Variants in IRS2 observed in about 807,000 individuals in gnomAD.
IRS2 encodes insulin receptor substrate 2.
IRS2 carries 28 observed loss-of-function variants against 70.9 expected under a neutral mutation model. That is an observed-to-expected ratio of 0.39 (90% CI 0.29 to 0.54). The LOEUF is 0.54. Ranked by LOEUF, IRS2 falls within the 20% of genes least tolerant of loss-of-function variation. The probability of loss-of-function intolerance (pLI) is 0.59; values close to 1 mark genes in which losing one functional copy is unlikely to be tolerated. For synonymous variants in IRS2, 1,217 were observed against 981.9 expected (o/e 1.24, Z -4.48); for missense variants, 2,081 against 2,024.1 (o/e 1.03, Z -0.54).
chr13:109,773,643 C>T lies in IRS2; in HGVS notation c.4012+8399G>A, dbSNP rs1375546432. Among the ~76,000 whole-genome samples the T allele has an allele frequency of 7.9e-5, 12 of 152,198 alleles. No individual in the cohort carries two copies. In the East Asian group the frequency reaches 2.3e-3, roughly 29 times the overall value. ...CTTAAATATTTGCCAAATCTTCTCC[C>T]CACTCAGTAGACACCGTCCACATAG... On this transcript the variant is annotated intron_variant, in intron 1 of 1. Transcript: ENST00000375856.
In IRS2 at chr13:109,784,473, C is replaced by T. The variant is rs2138935886; in HGVS notation, c.1581G>A (p.Thr527=). 6.3e-7 allele frequency: 1 copy of T among 1,579,158 alleles called. No homozygotes were observed. Among genetic ancestry groups the T allele is most frequent in the South Asian group, 1.1e-5 (1 of 89,058 alleles). The stretch of plus-strand genomic sequence containing the variant: ...CGCCGCCGCCGTCTCGGGCCGGGGG[C>T]GTCTCCGCGATGGACTCGGGCGTGT... ...RSNTPESIAE[T]PPARDGGGGG... Residue 527 remains threonine (T), a synonymous_variant, in exon 1 of 2, where the codon ACG becomes ACA. Coordinates refer to ENST00000375856, the MANE Select transcript of IRS2 (RefSeq NM_003749.3). This position sits in a 1 kb window ranked among gnomAD's most constrained non-coding sequence, Gnocchi z 5.2.
Position 109,783,137 on chromosome 13 carries a change from A to G in IRS2, c.2917T>C (p.Ser973Pro), listed in dbSNP as rs2138931781. Reference protein sequence around the residue: ...PGTSSDSRQRSPLSDYMNLDF... With the variant: ...PGTSSDSRQRPPLSDYMNLDF... ...AGGTTCATGTAGTCGGAGAGCGGAGACCGCTGCCGGCTGTCGCTGCTGGTG... is the reference window on the plus strand; with the variant it reads ...AGGTTCATGTAGTCGGAGAGCGGAGGCCGCTGCCGGCTGTCGCTGCTGGTG... Residue 973 changes from serine (S) to proline (P), a missense_variant, in exon 1 of 2, where the codon TCT (serine) becomes CCT (proline). Coordinates refer to ENST00000375856, the MANE Select transcript of IRS2 (RefSeq NM_003749.3). The G allele has an allele frequency of 7.2e-7, 1 of 1,382,044 alleles. No homozygotes were observed. The allele number at this position is 1,382,044 out of a possible 1,614,324, so 85.6% of individuals were successfully genotyped here. A position where few individuals can be genotyped will look rare whatever the true frequency, so the allele number is the denominator to read the frequency against.
chr13:109,763,406 A>G lies in IRS2; in HGVS notation c.4013-7098T>C, dbSNP rs1312375529. ...ATGAAGCCAGCACACTTTTGGAATG[A>G]ATTTCTCTTAGCTACCGCTATTCTA... On this transcript the variant is annotated intron_variant, in intron 1 of 1. Coordinates refer to ENST00000375856, the MANE Select transcript of IRS2 (RefSeq NM_003749.3). Among the ~76,000 whole-genome samples the G allele has an allele frequency of 2.0e-5, 3 of 152,224 alleles. No homozygotes were observed. In the East Asian group the frequency reaches 5.8e-4, roughly 29 times the overall value.
Position 109,785,769 on chromosome 13 carries a change from G to A in IRS2, c.285C>T (p.Leu95=), listed in dbSNP as rs779858983. The A allele has an allele frequency of 1.9e-6, 3 of 1,593,104 alleles. No homozygotes were observed. In the South Asian group the frequency reaches 3.3e-5, roughly 18 times the overall value. ...GCTTGTTGATGTTCAGGCAGCAGTC[G>A]AGAGCGATCACCCGTTTCGGCGCGC... The part of the protein sequence containing the change: ...KAGAPKRVIA[L]DCCLNINKRA... Residue 95 remains leucine (L), a synonymous_variant, in exon 1 of 2, where the codon CTC becomes CTT. Transcript: ENST00000375856. This position sits in a 1 kb window ranked among gnomAD's most constrained non-coding sequence, Gnocchi z 9.3.
chr13:109,783,241 A>G lies in IRS2; in HGVS notation c.2813T>C (p.Leu938Pro), dbSNP rs1877780063. The G allele has an allele frequency of 3.4e-6, 5 of 1,466,472 alleles. No individual in the cohort carries two copies. The South Asian group carries it at 5.2e-5, about 15-fold the overall frequency. The allele number at this position is 1,466,472 out of a possible 1,614,324, so 90.8% of individuals were successfully genotyped here. A position where few individuals can be genotyped will look rare whatever the true frequency, so the allele number is the denominator to read the frequency against. Residue 938 changes from leucine (L) to proline (P), a missense_variant, in exon 1 of 2, where the codon CTG (leucine) becomes CCG (proline). By Grantham distance (98) the Leu-to-Pro change is moderately conservative (BLOSUM62 -3). This residue lies in a region of IRS2 where 1,615 missense variants were observed against 1,459.5 expected (regional missense o/e 1.11). Coordinates refer to ENST00000375856, the MANE Select transcript of IRS2 (RefSeq NM_003749.3). ...GARLSPPAPP[L>P]LASAASSSSL... is the part of the protein sequence containing the mutation. ...GGAGGACGAGGCCGCCGACGCCAGC[A>G]GGGGAGGCGCGGGCGGCGACAGGCG...
intron 1 of IRS2, among the ~76,000 whole-genome samples, chr13:109,768,485 A>T (rs9521508): frequency 0.27 from 40,923 of 152,208 alleles, 6,602 homozygotes; most frequent in East Asian, 0.43. Flanking sequence ...TGAAGCCAGG[A>T]TCTCTATGAA....
chr13:109,786,273 G>A lies in IRS2; in HGVS notation c.-220C>T, dbSNP rs1345605254. 6.6e-6 allele frequency: 1 copy of A among 150,700 alleles called. No individual in the cohort carries two copies. Among genetic ancestry groups the A allele is most frequent in the Non-Finnish European group, 1.4e-5 (1 of 69,552 alleles). The allele number at this position is 150,700 out of a possible 1,614,324, so 9.3% of individuals were successfully genotyped here. ...CCCTCCGCGCTCTGGGGCTCCTGAG[G>A]ATGCCCGGCGCGGGCGGTGGCCGCC... On this transcript the variant is annotated 5_prime_UTR_variant, in exon 1 of 2. Coordinates refer to ENST00000375856, the MANE Select transcript of IRS2 (RefSeq NM_003749.3). The surrounding 1 kb of genome is among the most constrained non-coding windows in gnomAD (Gnocchi z 4.4).
intron 1 of IRS2, among the ~76,000 whole-genome samples, chr13:109,777,332 G>A (rs887467909): frequency 5.9e-5 from 9 of 152,012 alleles, no homozygotes; most frequent in Admixed American, 6.5e-5. Flanking sequence ...TTAGAACTAC[G>A]TTTCTAAAGA....
At chr13:109,780,131 T>C (rs1243068077) in intron 1 of IRS2, among the ~76,000 whole-genome samples, 1 of 152,152 alleles carries the variant, frequency 6.6e-6, no homozygotes, top group Non-Finnish European at 1.5e-5. Context: ...CCAGCTCCAC[T>C]GAAAGCAGGA....
At chr13:109,768,423 T>C (rs1237894193) in intron 1 of IRS2, among the ~76,000 whole-genome samples, 1 of 152,256 alleles carries the variant, frequency 6.6e-6, no homozygotes. Context: ...AGCCCTCACC[T>C]TCCCCAAGCT....
At chr13:109,777,575 A>G (rs1877606354) in intron 1 of IRS2, among the ~76,000 whole-genome samples, 1 of 152,222 alleles carries the variant, frequency 6.6e-6, no homozygotes. Context: ...AAACTGCAGG[A>G]ATGACCACCC....
rs1877833695 is a variant in IRS2 at position 109,784,146 on chromosome 13, C to A, written c.1908G>T (p.Glu636Asp). Residue 636 changes from glutamate to aspartate, a missense_variant, in exon 1 of 2, where the codon GAG becomes GAT. Transcript: ENST00000375856. This position sits in a 1 kb window ranked among gnomAD's most constrained non-coding sequence, Gnocchi z 5.2. ...HPYPEDYGDI[E>D]IGSHRSSSSN... Reference sequence around the variant, plus strand: ...TGCTGGAGCTCCTGTGGGAGCCGATCTCGATGTCTCCGTAGTCCTCTGGGT... The same window carrying A: ...TGCTGGAGCTCCTGTGGGAGCCGATATCGATGTCTCCGTAGTCCTCTGGGT... The A allele has an allele frequency of 6.3e-7, 1 of 1,592,380 alleles. No homozygotes were observed. The highest frequency in any genetic ancestry group is 8.5e-7 in the Non-Finnish European group (1 of 1,175,614).
intron 1 of IRS2, among the ~76,000 whole-genome samples, chr13:109,761,954 C>G (rs996105579): frequency 6.6e-6 from 1 of 152,144 alleles, no homozygotes; most frequent in African/African-American, 2.4e-5. Flanking sequence ...AAAGGTATCT[C>G]CCCCTTTAAC....
Position 109,784,567 on chromosome 13 carries a change from C to T in IRS2, c.1487G>A (p.Gly496Asp), listed in dbSNP as rs1250965184. 3.5e-6 allele frequency: 5 copies of T among 1,409,512 alleles called. No individual in the cohort carries two copies. Among genetic ancestry groups the T allele is most frequent in the Non-Finnish European group, 4.6e-6 (5 of 1,087,074 alleles). The allele number at this position is 1,409,512 out of a possible 1,614,324, so 87.3% of individuals were successfully genotyped here. ...GCCGTACTCGTCCAGGGACATGAAG[C>T]CGGGGTCGCTGGGGGAGCCCGAGGC... ...ASASGSPSDP[G>D]FMSLDEYGSS... The change falls in exon 1 of 2, where the codon GGC becomes GAC. Residue 496 changes from glycine to aspartate, a missense_variant. Gly to Asp is a moderately conservative substitution (Grantham distance 94). Around this residue, in one of 4 missense-constraint regions of IRS2, gnomAD observed 1,615 missense variants for 1,459.5 expected, o/e 1.11. Transcript: ENST00000375856. This position sits in a 1 kb window ranked among gnomAD's most constrained non-coding sequence, Gnocchi z 5.2.
At position 109,783,543 on chromosome 13, in the gene IRS2, C is replaced by T. The variant is rs956624572; in HGVS notation, c.2511G>A (p.Glu837=). The stretch of plus-strand genomic sequence containing the variant: ...CTGGCGTGGCCTGAGGCTCCAGACG[C>T]TCCTCCTCCAGGATGCGCCCCACGG... ...SSPVGRILEE[E]RLEPQATPGP... The change falls in exon 1 of 2, where the codon GAG becomes GAA. Residue 837 remains glutamate (E), a synonymous_variant. Coordinates refer to ENST00000375856, the MANE Select transcript of IRS2 (RefSeq NM_003749.3). 2.8e-5 allele frequency: 44 copies of T among 1,549,698 alleles called. No homozygotes were observed. Among genetic ancestry groups the T allele is most frequent in the Non-Finnish European group, 3.7e-5 (43 of 1,146,862 alleles).
At position 109,784,491 on chromosome 13, in the gene IRS2, G is replaced by C. The variant is rs775632380; in HGVS notation, c.1563C>G (p.Pro521=). The C allele has an allele frequency of 1.9e-6, 3 of 1,567,330 alleles. No homozygotes were observed. Among genetic ancestry groups the C allele is most frequent in the Non-Finnish European group, 2.6e-6 (3 of 1,155,424 alleles). ...RAFCSHRSNT[P]ESIAETPPAR... The stretch of plus-strand genomic sequence containing the variant: ...CCGGGGGCGTCTCCGCGATGGACTC[G>C]GGCGTGTTGCTTCGGTGGCTGCAGA... The change falls in exon 1 of 2, where the codon CCC becomes CCG. Residue 521 remains proline (P), a synonymous_variant. Coordinates refer to ENST00000375856, the MANE Select transcript of IRS2 (RefSeq NM_003749.3). The surrounding 1 kb of genome is among the most constrained non-coding windows in gnomAD (Gnocchi z 5.2).
chr13:109,779,175 TG>T (rs1877642241), intron 1 of IRS2, among the ~76,000 whole-genome samples: 1 of 152,230 alleles, frequency 6.6e-6, no homozygotes, highest in South Asian at 2.1e-4. Context: ...GTGCCAGACA[TG>T]GCTGGAACCT....
Position 109,782,655 on chromosome 13 carries a change from G to A in IRS2, c.3399C>T (p.Ala1133=). Residue 1133 remains alanine, a synonymous_variant, in exon 1 of 2, where the codon GCC becomes GCT. Transcript: ENST00000375856. ...CCTGCGGGTCTGCGCGGATGACCTT[G>A]GCGCCGCGGTGGGGGTCCGGGGGCT... is the stretch of plus-strand genomic sequence containing the variant. ...ASQPPDPHRG[A]KVIRADPQGG... is the part of the protein sequence containing the mutation. The A allele has an allele frequency of 3.8e-6, 6 of 1,570,104 alleles. No individual in the cohort carries two copies. In the South Asian group the frequency reaches 7.0e-5, roughly 18 times the overall value.
At chr13:109,781,289 C>T (rs1475050905) in intron 1 of IRS2, among the ~76,000 whole-genome samples, 1 of 152,088 alleles carries the variant, frequency 6.6e-6, no homozygotes, top group African/African-American at 2.4e-5. Flanking sequence ...CAGCCTGGGC[C>T]GCGCCCCAAA....
Sources: allele counts gnomAD v4.1 joint callset (sites outside exome capture counted in the v4.1 genomes callset), GRCh38; gene constraint gnomAD v4.1.1; regional missense constraint gnomAD v4.1.1; non-coding constraint Gnocchi (gnomAD v3.1); transcripts MANE v1.5; gene names NCBI Gene and HGNC (gene_info 2026-07-23, HGNC 2026-07-21).